Variants in PDE7B observed in about 807,000 individuals in gnomAD.
The protein encoded by PDE7B is phosphodiesterase 7B.
In PDE7B, 29 loss-of-function variants were observed where a neutral mutation model predicts 56.2. That is an observed-to-expected ratio of 0.52 (90% CI 0.38 to 0.70). The LOEUF (loss-of-function observed/expected upper bound fraction) is 0.70, where lower values mean the gene tolerates loss of function less well. PDE7B is among the 30% of genes least tolerant of loss of function. PDE7B has a pLI of 0.00. For missense variants in PDE7B, 490 were observed against 565.0 expected (o/e 0.87, Z 1.35); for synonymous variants, 197 against 196.9 (o/e 1.00, Z 0.00).
chr6:135,990,488 G>A (rs962870466), intron 2 of PDE7B, among the ~76,000 whole-genome samples: 1 of 152,142 alleles, frequency 6.6e-6, no homozygotes, highest in South Asian at 2.1e-4. Flanking sequence ...CAAGTGGTGA[G>A]GGTTTTCGAG....
chr6:135,889,830 G>A (rs1202640617), intron 1 of PDE7B, among the ~76,000 whole-genome samples: 1 of 131,080 alleles, frequency 7.6e-6, no homozygotes, highest in Admixed American at 8.9e-5. Context: ...TCAGCTCACT[G>A]CAACCTCTGC....
At chr6:135,928,477 A>T (rs1291364555) in intron 1 of PDE7B, among the ~76,000 whole-genome samples, 2 of 110,126 alleles carry the variant, frequency 1.8e-5, no homozygotes, top group African/African-American at 6.8e-5. Flanking sequence ...ATTTATATAT[A>T]TATATTTATT....
intron 8 of PDE7B, among the ~76,000 whole-genome samples, chr6:136,163,482 C>T (rs1030685404): frequency 1.3e-5 from 2 of 152,224 alleles, no homozygotes; most frequent in South Asian, 2.1e-4. Flanking sequence ...CCCTAGGCCT[C>T]CAGGCCTGTG....
intron 2 of PDE7B, among the ~76,000 whole-genome samples, chr6:136,039,159 C>A (rs1330505614): frequency 1.3e-5 from 2 of 152,006 alleles, no homozygotes; most frequent in Non-Finnish European, 1.5e-5. Flanking sequence ...TTTGTCTTGT[C>A]ATAAGAATGT....
chr6:136,174,310 T>C lies in PDE7B; in HGVS notation c.803+422T>C, dbSNP rs112219529. On this transcript the variant is annotated intron_variant, in intron 9 of 12. Coordinates refer to ENST00000308191, the MANE Select transcript of PDE7B (RefSeq NM_018945.4). ...AAAGTATATTTTGTAATTGCTAGTCTCAGCAAAAATAGAAGTCAGAAATTC... is the reference window on the plus strand; with the variant it reads ...AAAGTATATTTTGTAATTGCTAGTCCCAGCAAAAATAGAAGTCAGAAATTC... Among the ~76,000 whole-genome samples, 740 of 152,326 alleles carry C rather than the reference T, an allele frequency of 4.9e-3. 4 individuals are homozygous for C. Among genetic ancestry groups the C allele is most frequent in the African/African-American group, 0.017 (714 of 41,576 alleles).
chr6:136,097,494 A>G (rs1414477132), intron 2 of PDE7B, among the ~76,000 whole-genome samples: 1 of 152,092 alleles, frequency 6.6e-6, no homozygotes, highest in Admixed American at 6.5e-5. Flanking sequence ...TCAGCACCCT[A>G]CAAACTACCA....
At chr6:135,852,258 T>A (rs1020107946) in intron 1 of PDE7B, among the ~76,000 whole-genome samples, 1 of 152,036 alleles carries the variant, frequency 6.6e-6, no homozygotes, top group Non-Finnish European at 1.5e-5. Flanking sequence ...ACCAGTGTAA[T>A]GAGACTCCGG....
At chr6:135,894,342 T>G (rs1775860430) in intron 1 of PDE7B, among the ~76,000 whole-genome samples, 1 of 152,162 alleles carries the variant, frequency 6.6e-6, no homozygotes, top group Admixed American at 6.6e-5. Context: ...AAATGTATAT[T>G]TAAAAACCTA....
At chr6:136,110,914 C>T (rs2128442241) in intron 3 of PDE7B, 1 of 152,286 alleles carries the variant, frequency 6.6e-6, no homozygotes, top group East Asian at 1.9e-4. Context: ...TTCTGAGCAC[C>T]TGGGCTCAAC....
intron 2 of PDE7B, among the ~76,000 whole-genome samples, chr6:135,983,278 C>A (rs145138270): frequency 6.6e-6 from 1 of 152,150 alleles, no homozygotes; most frequent in African/African-American, 2.4e-5. Flanking sequence ...TTCACCCCTA[C>A]CATGGGCTGA....
In PDE7B at chr6:135,961,422, C is replaced by A. The variant is rs563846472; in HGVS notation, c.82+13898C>A. On this transcript the variant is annotated intron_variant, in intron 2 of 12. Transcript: ENST00000308191. ...AAATAATTTAACACTCAATGATTAA[C>A]TTAAGTAAAAGTTAGAATGCATAAT... Among the ~76,000 whole-genome samples, 3 of 152,018 alleles carry A rather than the reference C, an allele frequency of 2.0e-5. No homozygotes were observed. The South Asian group carries it at 6.2e-4, about 32-fold the overall frequency.
intron 2 of PDE7B, among the ~76,000 whole-genome samples, chr6:136,056,807 C>T (rs537207023): frequency 2.6e-5 from 4 of 152,248 alleles, no homozygotes; most frequent in African/African-American, 9.6e-5. Context: ...GCTGGGATTA[C>T]AGGCGTGAGC....
At chr6:135,975,034 G>A (rs1303064225) in intron 2 of PDE7B, among the ~76,000 whole-genome samples, 2 of 152,034 alleles carry the variant, frequency 1.3e-5, no homozygotes, top group East Asian at 3.9e-4. Flanking sequence ...TGGTGCTGAG[G>A]CCCCTGGAGA....
intron 1 of PDE7B, 98 bp from the exon 2 acceptor site, chr6:135,947,366 T>C: frequency 1.1e-6 from 1 of 940,238 alleles, no homozygotes; most frequent in Admixed American, 1.9e-5. Context: ...AAAACAAAAG[T>C]AGAATAATGT....
At chr6:136,184,523 G>A (rs191289912) in intron 11 of PDE7B, among the ~76,000 whole-genome samples, 7 of 152,310 alleles carry the variant, frequency 4.6e-5, no homozygotes, top group Admixed American at 1.3e-4. Context: ...AGTGGGCAAC[G>A]TAGAGAACAT....
Position 135,866,210 on chromosome 6 carries a change from G to A in PDE7B, c.21+14191G>A, listed in dbSNP as rs543851666. Among the ~76,000 whole-genome samples, 20 of 151,982 alleles carry A rather than the reference G, an allele frequency of 1.3e-4. No homozygotes were observed. The South Asian group carries it at 4.2e-3, about 32-fold the overall frequency. ...TTCACCTCAATCTCTATCTAAAATTGTTTAGAATTTTTTAATATATTCATA... is the reference window on the plus strand; with the variant it reads ...TTCACCTCAATCTCTATCTAAAATTATTTAGAATTTTTTAATATATTCATA... On this transcript the variant is annotated intron_variant, in intron 1 of 12. Transcript: ENST00000308191.
At chr6:136,041,064 T>C (rs1165421222) in intron 2 of PDE7B, among the ~76,000 whole-genome samples, 1 of 152,232 alleles carries the variant, frequency 6.6e-6, no homozygotes, top group Non-Finnish European at 1.5e-5. Flanking sequence ...TTTTGACTGC[T>C]TGTGGTAATG....
chr6:136,062,515 A>T (rs1776861597), intron 2 of PDE7B, among the ~76,000 whole-genome samples: 1 of 152,218 alleles, frequency 6.6e-6, no homozygotes, highest in Non-Finnish European at 1.5e-5. Context: ...CATGCTGTAC[A>T]TTCAGTCTCC....
chr6:135,933,480 C>G (rs1005665702), intron 1 of PDE7B, among the ~76,000 whole-genome samples: 13 of 152,342 alleles, frequency 8.5e-5, no homozygotes, highest in South Asian at 8.3e-4. Context: ...ATTCTGTAGA[C>G]AGCAGGATTC....
Sources: gnomAD v4.1 joint callset for allele counts (sites outside exome capture counted in the v4.1 genomes callset) on GRCh38, gnomAD v4.1.1 for gene constraint, MANE v1.5 for transcripts, NCBI Gene and HGNC (gene_info 2026-07-23, HGNC 2026-07-21) for gene names.